The following TAF3 variants were observed in gnomAD, a reference collection of about 807,000 sequenced individuals.
TAF3 encodes TATA-box binding protein associated factor 3.
A neutral mutation model predicts 80.6 loss-of-function variants in TAF3; 7 were observed. The ratio of observed to expected loss-of-function variants is 0.09; its 90% CI spans 0.05 to 0.16. The LOEUF is 0.16. Among genes scored for constraint, TAF3 ranks in the 10% least tolerant of loss-of-function variants. The pLI is 1.00. For missense variants in TAF3, 921 were observed against 1,140.2 expected (o/e 0.81, Z 2.77); for synonymous variants, 444 against 446.1 (o/e 1.00, Z 0.06).
intron 2 of TAF3, among the ~76,000 whole-genome samples, chr10:7,943,063 G>A (rs975194914): frequency 6.6e-6 from 1 of 152,134 alleles, no homozygotes; most frequent in African/African-American, 2.4e-5. Context: ...GTTTACTCCC[G>A]AAAGTCTGTC....
chr10:7,917,795 T>C (rs1837725541), intron 2 of TAF3, among the ~76,000 whole-genome samples: 1 of 152,132 alleles, frequency 6.6e-6, no homozygotes, highest in South Asian at 2.1e-4. Context: ...GGAAATACTT[T>C]TGAAGTTATA....
chr10:7,869,200 G>T (rs1199930888), intron 2 of TAF3, among the ~76,000 whole-genome samples: 25 of 152,078 alleles, frequency 1.6e-4, no homozygotes, highest in Admixed American at 1.6e-3. Flanking sequence ...ATAAAAGAAA[G>T]ATGTCACATA....
intron 2 of TAF3, among the ~76,000 whole-genome samples, chr10:7,962,126 C>T (rs1049112216): frequency 9.9e-5 from 15 of 152,200 alleles, no homozygotes; most frequent in African/African-American, 3.4e-4. Context: ...GTTGGCATTA[C>T]AGGCATGAGC....
intron 4 of TAF3, among the ~76,000 whole-genome samples, chr10:8,003,900 C>G (rs1343289174): frequency 6.6e-6 from 1 of 152,016 alleles, no homozygotes; most frequent in Non-Finnish European, 1.5e-5. Context: ...ACAACCAAAA[C>G]ATTGCCAGTC....
intron 2 of TAF3, among the ~76,000 whole-genome samples, chr10:7,879,375 A>G (rs1837339164): frequency 6.6e-6 from 1 of 152,104 alleles, no homozygotes. Context: ...ACTCATGCAT[A>G]ATTGATTATA....
At chr10:7,835,281 CTGCA>C (rs1836840625) in intron 2 of TAF3, among the ~76,000 whole-genome samples, 2 of 152,070 alleles carry the variant, frequency 1.3e-5, no homozygotes, top group Admixed American at 1.3e-4. Context: ...TTGTGTTGGG[CTGCA>C]TTCAAAGCCG....
chr10:7,864,424 C>T lies in TAF3; in HGVS notation c.409+39864C>T, dbSNP rs145237919. Among the ~76,000 whole-genome samples, 13 of 152,234 alleles carry T rather than the reference C, an allele frequency of 8.5e-5. No individual in the cohort carries two copies. In the East Asian group the frequency reaches 1.9e-3, roughly 23 times the overall value. On this transcript the variant is annotated intron_variant, in intron 2 of 6. Coordinates refer to ENST00000344293, the MANE Select transcript of TAF3 (RefSeq NM_031923.4). ...CAAATGCATTGTGTCACATAGTTAA[C>T]TCTTTGTGGTAAGGGCACTTAACAT...
intron 2 of TAF3, among the ~76,000 whole-genome samples, chr10:7,853,565 C>G (rs150138502): frequency 5.4e-4 from 83 of 152,340 alleles, no homozygotes; most frequent in African/African-American, 1.9e-3. Context: ...TTATCTGATT[C>G]AGCAAAGAAG....
intron 2 of TAF3, among the ~76,000 whole-genome samples, chr10:7,863,451 A>C (rs997159029): frequency 2.0e-5 from 3 of 151,100 alleles, no homozygotes; most frequent in Middle Eastern, 3.4e-3. Context: ...TCTCTACTGA[A>C]AATACAAAAT....
intron 2 of TAF3, 74 bp from the exon 3 acceptor site, chr10:7,963,845 CA>C: frequency 8.4e-6 from 11 of 1,304,846 alleles, no homozygotes; most frequent in Non-Finnish European, 9.2e-6. Context: ...ATATTTGAAG[CA>C]TTGTTTTTAT....
intron 2 of TAF3, among the ~76,000 whole-genome samples, chr10:7,873,599 G>A (rs1352589626): frequency 7.0e-6 from 1 of 143,600 alleles, no homozygotes; most frequent in African/African-American, 2.6e-5. Flanking sequence ...ATGTCCCCAA[G>A]GGAAGACATC....
intron 4 of TAF3, among the ~76,000 whole-genome samples, chr10:7,999,065 A>C (rs1373355210): frequency 6.6e-6 from 1 of 152,144 alleles, no homozygotes; most frequent in African/African-American, 2.4e-5. Flanking sequence ...CAGAAATCTC[A>C]GTGGTCCTGT....
chr10:7,820,058 A>T (rs1412189171), intron 1 of TAF3, among the ~76,000 whole-genome samples: 2 of 152,314 alleles, frequency 1.3e-5, no homozygotes, highest in Non-Finnish European at 2.9e-5. Flanking sequence ...CTGCCATGCT[A>T]ATCTGCGACC....
At chr10:7,888,524 G>T (rs1038975920) in intron 2 of TAF3, among the ~76,000 whole-genome samples, 1 of 151,998 alleles carries the variant, frequency 6.6e-6, no homozygotes, top group Non-Finnish European at 1.5e-5. Flanking sequence ...AGATGTGGAG[G>T]TCTGCAGTGT....
chr10:7,937,964 G>C (rs1837937292), intron 2 of TAF3, among the ~76,000 whole-genome samples: 1 of 152,174 alleles, frequency 6.6e-6, no homozygotes, highest in Non-Finnish European at 1.5e-5. Context: ...TGGAAATGGG[G>C]TTTATATTGA....
intron 2 of TAF3, 136 bp from the exon 3 acceptor site, chr10:7,963,784 T>C (rs1029002232): frequency 2.2e-6 from 2 of 895,334 alleles, no homozygotes; most frequent in Admixed American, 6.2e-5. Context: ...GTTGTGCCCA[T>C]GTACCCTAGA....
chr10:7,976,060 A>G (rs537704351), intron 3 of TAF3, among the ~76,000 whole-genome samples: 3 of 152,280 alleles, frequency 2.0e-5, no homozygotes, highest in East Asian at 3.9e-4. Context: ...TTGTTAATTC[A>G]AAATGTTGAT....
intron 2 of TAF3, among the ~76,000 whole-genome samples, chr10:7,854,509 G>A (rs1837059835): frequency 6.6e-6 from 1 of 152,180 alleles, no homozygotes; most frequent in South Asian, 2.1e-4. Context: ...ACTGCAGTGA[G>A]TATAATATGG....
At chr10:7,923,399 G>A (rs140347886) in intron 2 of TAF3, among the ~76,000 whole-genome samples, 6 of 152,010 alleles carry the variant, frequency 3.9e-5, no homozygotes, top group South Asian at 2.1e-4. Flanking sequence ...AAATGGACTC[G>A]TGTCCTTTGG....
Sources: allele counts gnomAD v4.1 joint callset (sites outside exome capture counted in the v4.1 genomes callset), GRCh38; gene constraint gnomAD v4.1.1; transcripts MANE v1.5; gene names NCBI Gene and HGNC (gene_info 2026-07-23, HGNC 2026-07-21).